Variants in RASGEF1A observed in about 807,000 individuals in gnomAD.
RASGEF1A encodes the protein RasGEF domain family member 1A, also known as ras-GEF domain-containing family member 1A.
In RASGEF1A, 18 loss-of-function variants were observed where a neutral mutation model predicts 56.4. That is an observed-to-expected ratio of 0.32 (90% CI 0.22 to 0.47). The LOEUF (loss-of-function observed/expected upper bound fraction) is 0.47. RASGEF1A is among the 20% of genes least tolerant of loss of function. The probability of loss-of-function intolerance (pLI) is 1.00; values close to 1 mark genes in which losing one functional copy is unlikely to be tolerated. For synonymous variants in RASGEF1A, 245 were observed against 242.6 expected (o/e 1.01, Z -0.09); for missense variants, 422 against 627.1 (o/e 0.67, Z 3.49).
intron 1 of RASGEF1A, among the ~76,000 whole-genome samples, chr10:43,242,790 C>T (rs1028281657): frequency 2.5e-4 from 27 of 106,818 alleles, no homozygotes; most frequent in African/African-American, 6.7e-4. Flanking sequence ...ACCTCGGTCT[C>T]CCGAGGTGCT....
At chr10:43,230,021 ACGGGGCGT>A (rs1840342308) in intron 1 of RASGEF1A, among the ~76,000 whole-genome samples, 1 of 151,520 alleles carries the variant, frequency 6.6e-6, no homozygotes, top group Non-Finnish European at 1.5e-5. Context: ...GTGAGGCTGG[ACGGGGCGT>A]CCGGGATCGG....
intron 1 of RASGEF1A, among the ~76,000 whole-genome samples, chr10:43,233,532 C>T (rs1179019191): frequency 2.0e-5 from 3 of 152,196 alleles, no homozygotes; most frequent in Non-Finnish European, 4.4e-5. Context: ...GAGCACCCAG[C>T]TCCATGACTC....
At position 43,198,198 on chromosome 10, in the gene RASGEF1A, G is replaced by A. The variant is rs1166834458; in HGVS notation, c.1033-3C>T. On this transcript the variant is annotated splice_region_variant and splice_polypyrimidine_tract_variant and intron_variant, in intron 9 of 12. Transcript: ENST00000395810. Reference sequence around the variant, plus strand: ...TTGCTGGACGGGTCCATGTGATGCTGTGGGCACAGGGAGGACCTGGTGAGC... The same window carrying A: ...TTGCTGGACGGGTCCATGTGATGCTATGGGCACAGGGAGGACCTGGTGAGC... The A allele has an allele frequency of 5.6e-6, 9 of 1,605,856 alleles. No homozygotes were observed. Among genetic ancestry groups the A allele is most frequent in the East Asian group, 2.2e-5 (1 of 44,674 alleles).
At chr10:43,254,344 G>A (rs1362880636) in intron 1 of RASGEF1A, among the ~76,000 whole-genome samples, 1 of 152,212 alleles carries the variant, frequency 6.6e-6, no homozygotes, top group Non-Finnish European at 1.5e-5. Flanking sequence ...TCCACTTGTT[G>A]CCCCCTTAGA....
chr10:43,243,754 G>C (rs921327707), intron 1 of RASGEF1A, among the ~76,000 whole-genome samples: 1 of 151,362 alleles, frequency 6.6e-6, no homozygotes, highest in Non-Finnish European at 1.5e-5. Flanking sequence ...CCCCATCTGG[G>C]AGGTGAGGGG....
rs530769819 is a variant in RASGEF1A, at chr10:43,200,076, G to A, written c.756+106C>T. ...ATCGGGGCTCATGGCCCAGCACTCC[G>A]GAGACGCTCGGGGCGTGCTGAGTGA... On this transcript the variant is annotated intron_variant, in intron 6 of 12. Transcript: ENST00000395810. The A allele has an allele frequency of 6.9e-4, 630 of 919,126 alleles. 4 individuals carry two copies. The highest frequency in any genetic ancestry group is 8.0e-4 in the Admixed American group (38 of 47,584). The allele number at this position is 919,126 out of a possible 1,614,324, so 56.9% of individuals were successfully genotyped here.
intron 10 of RASGEF1A, 44 bp downstream of exon 10, chr10:43,197,960 C>CA: frequency 6.5e-7 from 1 of 1,529,282 alleles, no homozygotes; most frequent in South Asian, 1.2e-5. Flanking sequence ...TCCAGTAGCT[C>CA]AGACAGTTTC....
intron 1 of RASGEF1A, among the ~76,000 whole-genome samples, chr10:43,260,502 T>C (rs1337805494): frequency 6.6e-6 from 1 of 152,190 alleles, no homozygotes; most frequent in Non-Finnish European, 1.5e-5. Flanking sequence ...CTGGGTGCTA[T>C]GGCAGGCCAG....
intron 1 of RASGEF1A, among the ~76,000 whole-genome samples, chr10:43,253,140 C>T (rs974691497): frequency 3.1e-4 from 47 of 152,180 alleles, no homozygotes; most frequent in Admixed American, 4.6e-4. Flanking sequence ...CGTAGCAAGG[C>T]CACCTGCAGG....
chr10:43,219,752 C>A (rs1026941317), intron 1 of RASGEF1A, among the ~76,000 whole-genome samples: 3 of 152,226 alleles, frequency 2.0e-5, no homozygotes, highest in Admixed American at 6.5e-5. Flanking sequence ...GCACCTCCGC[C>A]CTCTACAGCC....
At chr10:43,197,263 G>A (rs968789349) in intron 10 of RASGEF1A, among the ~76,000 whole-genome samples, 164 bp from the exon 11 acceptor site, 4 of 152,190 alleles carry the variant, frequency 2.6e-5, no homozygotes, top group Admixed American at 1.3e-4. Flanking sequence ...ATGGTGGCAC[G>A]CCATGCAGCC....
At chr10:43,215,358 C>T (rs1485724214) in intron 1 of RASGEF1A, among the ~76,000 whole-genome samples, 3 of 152,198 alleles carry the variant, frequency 2.0e-5, no homozygotes, top group Non-Finnish European at 2.9e-5. Flanking sequence ...ATTTTTAGCT[C>T]AGCAAGCTGC....
chr10:43,223,373 A>T (rs1425410821), intron 1 of RASGEF1A, among the ~76,000 whole-genome samples: 6 of 152,014 alleles, frequency 3.9e-5, no homozygotes, highest in African/African-American at 1.4e-4. Flanking sequence ...CCCACTTCAT[A>T]AAAAAAATCC....
chr10:43,218,081 C>T (rs578234521), intron 1 of RASGEF1A, among the ~76,000 whole-genome samples: 2 of 152,354 alleles, frequency 1.3e-5, no homozygotes, highest in African/African-American at 4.8e-5. Flanking sequence ...CCAGCACCTG[C>T]TTCCCAGGCG....
intron 1 of RASGEF1A, among the ~76,000 whole-genome samples, chr10:43,221,208 G>A (rs558802672): frequency 5.3e-5 from 8 of 152,256 alleles, no homozygotes; most frequent in South Asian, 2.1e-4. Context: ...ACTGTGGTTC[G>A]CTCCCGCCTC....
intron 10 of RASGEF1A, among the ~76,000 whole-genome samples, 155 bp from the exon 11 acceptor site, chr10:43,197,254 T>C (rs1207858224): frequency 4.6e-5 from 7 of 152,136 alleles, no homozygotes; most frequent in Non-Finnish European, 1.0e-4. Context: ...CCCGTGGCCA[T>C]GGTGGCACGC....
Position 43,225,574 on chromosome 10 carries a change from T to TCG in RASGEF1A, c.-6-19453_-6-19452insCG, listed in dbSNP as rs1402760665. Among the ~76,000 whole-genome samples the TCG allele has an allele frequency of 1.9e-3, 274 of 141,172 alleles. 1 individual carries two copies. The highest frequency in any genetic ancestry group is 7.0e-3 in the African/African-American group (264 of 37,592). 92.6% of individuals were successfully genotyped at this position (141,172 alleles called of 152,430 possible). Reference sequence around the variant, plus strand: ...GTCTCTGTGTGTGGGTGTCTGTGTATGGGTGTGTGTGTGTGTGTGTGTGTG... The same window carrying TCG: ...GTCTCTGTGTGTGGGTGTCTGTGTATCGGGGTGTGTGTGTGTGTGTGTGTGTG... On this transcript the variant is annotated intron_variant, in intron 1 of 12. Coordinates refer to ENST00000395810, the MANE Select transcript of RASGEF1A (RefSeq NM_145313.4).
intron 1 of RASGEF1A, among the ~76,000 whole-genome samples, chr10:43,250,802 T>C (rs953765305): frequency 1.3e-5 from 2 of 152,320 alleles, no homozygotes; most frequent in Middle Eastern, 3.4e-3. Context: ...ACCTGGTCAA[T>C]GGCGGCTTCC....
At chr10:43,218,430 G>A (rs761316964) in intron 1 of RASGEF1A, among the ~76,000 whole-genome samples, 7 of 152,184 alleles carry the variant, frequency 4.6e-5, no homozygotes, top group Non-Finnish European at 8.8e-5. Context: ...GATGGGGGGC[G>A]TTGGGGGTGA....
Sources: allele counts gnomAD v4.1 joint callset (sites outside exome capture counted in the v4.1 genomes callset), GRCh38; gene constraint gnomAD v4.1.1; transcripts MANE v1.5; gene names NCBI Gene and HGNC (gene_info 2026-07-23, HGNC 2026-07-21).